Variants in SUGP2 observed in about 807,000 individuals in gnomAD.
The protein encoded by SUGP2 is SURP and G-patch domain-containing protein 2.
A neutral mutation model predicts 90.5 loss-of-function variants in SUGP2; 24 were observed. The ratio of observed to expected loss-of-function variants is 0.27; its 90% CI spans 0.19 to 0.37. The LOEUF (loss-of-function observed/expected upper bound fraction) is 0.37, where lower values mean the gene tolerates loss of function less well. SUGP2 is among the 10% of genes least tolerant of loss of function. SUGP2 has a pLI of 1.00. For synonymous variants in SUGP2, 473 were observed against 513.4 expected, an observed-to-expected ratio of 0.92 and a Z score of 1.06; for missense variants, 1,233 against 1,363.3, an observed-to-expected ratio of 0.90 and a Z score of 1.51.
intron 2 of SUGP2, 109 bp from the exon 3 acceptor site, chr19:19,026,335 G>T (rs113789851): frequency 9.3e-6 from 10 of 1,072,634 alleles, no homozygotes; most frequent in African/African-American, 4.8e-5. Context: ...CAGCAAAACT[G>T]CTTTATACAC....
At chr19:19,031,698 C>G (rs73008923) in intron 1 of SUGP2, among the ~76,000 whole-genome samples, 9,800 of 151,770 alleles carry the variant, frequency 0.065, 382 homozygotes, top group Middle Eastern at 0.15. Flanking sequence ...GCGAGACTGT[C>G]TCAAAGAAAA....
chr19:19,018,426 G>A lies in SUGP2; in HGVS notation c.1850+683C>T, dbSNP rs559410000. ...TGTTCGGCCGGGCGCGGTGGCTCAC[G>A]CCTGTAATCCCAGCACTTTGGGAGG... On this transcript the variant is annotated intron_variant, in intron 4 of 10. Transcript: ENST00000452918. Among the ~76,000 whole-genome samples, 6 of 151,864 alleles carry A rather than the reference G, an allele frequency of 4.0e-5. No individual in the cohort carries two copies. In the South Asian group the frequency reaches 1.2e-3, roughly 32 times the overall value.
At position 19,031,004 on chromosome 19, in the gene SUGP2, T is replaced by G. The variant is rs2059129334; in HGVS notation, c.68A>C (p.His23Pro). 3 of 1,613,954 alleles carry G rather than the reference T, an allele frequency of 1.9e-6. No homozygotes were observed. Among genetic ancestry groups the G allele is most frequent in the Non-Finnish European group, 2.5e-6 (3 of 1,179,968 alleles). The change falls in exon 2 of 11, where the codon CAC (histidine) becomes CCC (proline). Residue 23 changes from histidine to proline, a missense_variant. By Grantham distance (77) the His-to-Pro change is moderately conservative. Transcript: ENST00000452918. Reference sequence around the variant, plus strand: ...TACAGCCTCACCACTGGCATCCATGTGATATCGTTTGGCTTTTTCTTGTAA... The same window carrying G: ...TACAGCCTCACCACTGGCATCCATGGGATATCGTTTGGCTTTTTCTTGTAA... ...AVLQEKAKRY[H>P]MDASGEAVSE... is the part of the protein sequence containing the mutation.
intron 4 of SUGP2, 62 bp from the exon 5 acceptor site, chr19:19,010,404 C>G (rs762282405): frequency 2.9e-5 from 46 of 1,566,784 alleles, no homozygotes; most frequent in Non-Finnish European, 3.3e-5. Flanking sequence ...CCAAATTGTT[C>G]CTTCAAACAC....
intron 2 of SUGP2, among the ~76,000 whole-genome samples, chr19:19,027,033 A>G (rs2058962613): frequency 6.6e-6 from 1 of 152,138 alleles, no homozygotes. Flanking sequence ...TAATCCCTGC[A>G]CTTTGGGAGG....
intron 6 of SUGP2, among the ~76,000 whole-genome samples, chr19:19,006,833 G>C (rs891978830): frequency 2.2e-4 from 33 of 152,240 alleles, no homozygotes; most frequent in African/African-American, 8.0e-4. Context: ...TGGTACCTTA[G>C]TGCAGGACCC....
At chr19:18,994,134 C>G (rs948705983) in intron 10 of SUGP2, 1 of 468,644 alleles carries the variant, frequency 2.1e-6, no homozygotes, top group Non-Finnish European at 3.7e-6. Flanking sequence ...GCAGGCCATG[C>G]GCATCTGCCC....
rs1380259001 is a variant in SUGP2 at position 19,016,395 on chromosome 19, T to C, written c.1850+2714A>G. ...TCCGTCTGCTGCCCCTGGTTATCAG[T>C]GGTCATGAGACCACTGGGCCATGTG... On this transcript the variant is annotated intron_variant, in intron 4 of 10. Coordinates refer to ENST00000452918, the MANE Select transcript of SUGP2 (RefSeq NM_001017392.5). Among the ~76,000 whole-genome samples the C allele has an allele frequency of 2.0e-5, 3 of 152,078 alleles. No individual in the cohort carries two copies. In the East Asian group the frequency reaches 5.8e-4, roughly 29 times the overall value.
chr19:19,010,702 G>C (rs1166665159), intron 4 of SUGP2, among the ~76,000 whole-genome samples: 3 of 152,210 alleles, frequency 2.0e-5, no homozygotes, highest in Non-Finnish European at 4.4e-5. Context: ...TGAGTGCTCG[G>C]TGAGCTTTTG....
Position 18,995,145 on chromosome 19 carries a change from C to G in SUGP2, c.3127G>C (p.Val1043Leu). ...CACCCCAGGCTGCCTGCTGCGTACACGCTGACCGGCTCCCTGATGCCCTTT... is the reference window on the plus strand; with the variant it reads ...CACCCCAGGCTGCCTGCTGCGTACAGGCTGACCGGCTCCCTGATGCCCTTT... ...LGKGIREPVS[V>L]GTPSEGEGLG... The change falls in exon 9 of 11, where the codon GTG (valine) becomes CTG (leucine). Residue 1043 changes from valine (V) to leucine (L), a missense_variant and splice_region_variant. Transcript: ENST00000452918. The G allele has an allele frequency of 6.3e-7, 1 of 1,590,586 alleles. No homozygotes were observed. Among genetic ancestry groups the G allele is most frequent in the Non-Finnish European group, 8.6e-7 (1 of 1,166,940 alleles).
At chr19:19,028,394 C>T (rs1383571865) in intron 2 of SUGP2, among the ~76,000 whole-genome samples, 1 of 152,144 alleles carries the variant, frequency 6.6e-6, no homozygotes, top group Admixed American at 6.5e-5. Context: ...GGCTGCTGCA[C>T]AGGGAACAGA....
chr19:19,009,814 G>A (rs1006517036), intron 5 of SUGP2, 41 bp downstream of exon 5: 3 of 1,556,232 alleles, frequency 1.9e-6, no homozygotes, highest in East Asian at 2.3e-5. Flanking sequence ...GGGAGAGTAG[G>A]GACTGGGGCC....
At chr19:19,020,029 T>G (rs1309070128) in intron 3 of SUGP2, among the ~76,000 whole-genome samples, 4 of 130,824 alleles carry the variant, frequency 3.1e-5, no homozygotes, top group African/African-American at 8.6e-5. Context: ...CCAGGCATGG[T>G]GGGATAGAGC....
At chr19:19,017,497 C>T (rs1217387253) in intron 4 of SUGP2, among the ~76,000 whole-genome samples, 1 of 151,946 alleles carries the variant, frequency 6.6e-6, no homozygotes, top group Non-Finnish European at 1.5e-5. Context: ...TGAGGCTGGG[C>T]GCGGTGGCTC....
intron 1 of SUGP2, 136 bp from the exon 2 acceptor site, chr19:19,031,218 G>A: frequency 1.2e-6 from 1 of 866,684 alleles, no homozygotes; most frequent in Non-Finnish European, 1.8e-6. Context: ...GACCAGCCTA[G>A]GCAACATGAT....
At chr19:19,030,578 T>A (rs941596330) in intron 2 of SUGP2, among the ~76,000 whole-genome samples, 1 of 151,948 alleles carries the variant, frequency 6.6e-6, no homozygotes, top group African/African-American at 2.4e-5. Context: ...GGGGAGGATA[T>A]CCAGTGAGAA....
chr19:19,022,898 T>C (rs767746199), intron 3 of SUGP2, among the ~76,000 whole-genome samples: 1 of 152,046 alleles, frequency 6.6e-6, no homozygotes, highest in African/African-American at 2.4e-5. Context: ...CTGGGGGCAA[T>C]GGAAGGTGAA....
chr19:19,029,731 A>G (rs1391242670), intron 2 of SUGP2, among the ~76,000 whole-genome samples: 3 of 151,044 alleles, frequency 2.0e-5, no homozygotes, highest in Non-Finnish European at 3.0e-5. Context: ...CAAGGTCAGG[A>G]GTTCAAAACC....
chr19:19,002,195 C>T (rs897976666), intron 7 of SUGP2, among the ~76,000 whole-genome samples: 15 of 152,222 alleles, frequency 9.9e-5, no homozygotes, highest in African/African-American at 3.6e-4. Context: ...GCCTGGCCAG[C>T]ATGGCGAAAC....
Sources: gnomAD v4.1 joint callset for allele counts (sites outside exome capture counted in the v4.1 genomes callset) on GRCh38, gnomAD v4.1.1 for gene constraint, MANE v1.5 for transcripts, NCBI Gene and HGNC (gene_info 2026-07-23, HGNC 2026-07-21) for gene names.